The following SLC2A13 variants were observed in gnomAD, a reference collection of about 807,000 sequenced individuals.
The protein encoded by SLC2A13 is proton myo-inositol cotransporter.
SLC2A13 carries 32 observed loss-of-function variants against 64.4 expected under a neutral mutation model. That is an observed-to-expected ratio of 0.50 (90% CI 0.37 to 0.67). The LOEUF (loss-of-function observed/expected upper bound fraction) is 0.67, where lower values mean the gene tolerates loss of function less well. SLC2A13 is among the 30% of genes least tolerant of loss of function. The pLI, the probability that SLC2A13 is intolerant of heterozygous loss-of-function variation, is 0.00. For missense variants in SLC2A13, 743 were observed against 829.2 expected, an observed-to-expected ratio of 0.90 and a Z score of 1.28; for synonymous variants, 338 against 327.1, an observed-to-expected ratio of 1.03 and a Z score of -0.36.
At chr12:39,774,845 C>A (rs908111784) in intron 7 of SLC2A13, among the ~76,000 whole-genome samples, 2 of 151,968 alleles carry the variant, frequency 1.3e-5, no homozygotes, top group Admixed American at 1.3e-4. Context: ...ACCTTATATA[C>A]CCCAAGTATG....
At chr12:39,833,716 T>A (rs1372318701) in intron 6 of SLC2A13, among the ~76,000 whole-genome samples, 1 of 151,962 alleles carries the variant, frequency 6.6e-6, no homozygotes, top group Non-Finnish European at 1.5e-5. Context: ...TCCCCAATAA[T>A]AGATAGATTT....
intron 1 of SLC2A13, among the ~76,000 whole-genome samples, chr12:40,054,209 A>G (rs1398610284): frequency 6.6e-6 from 1 of 152,222 alleles, no homozygotes; most frequent in Admixed American, 6.5e-5. Flanking sequence ...TATAACTCAA[A>G]GATGATGATT....
chr12:39,877,239 A>T (rs185011325), intron 4 of SLC2A13, among the ~76,000 whole-genome samples: 1 of 152,206 alleles, frequency 6.6e-6, no homozygotes, highest in East Asian at 1.9e-4. Context: ...AGAGTTCCAC[A>T]TGGCTAGGGA....
At position 39,998,502 on chromosome 12, in the gene SLC2A13, G is replaced by T. The variant is rs558493813; in HGVS notation, c.925+29799C>A. Among the ~76,000 whole-genome samples, 22 of 152,324 alleles carry T rather than the reference G, an allele frequency of 1.4e-4. No homozygotes were observed. The South Asian group carries it at 2.5e-3, about 17-fold the overall frequency. On this transcript the variant is annotated intron_variant, in intron 3 of 9. Transcript: ENST00000280871. ...CTGGATGTGAGACATGGAGTCAAAG[G>T]AGATCATTTTGGAGCTTTAAATATT...
intron 1 of SLC2A13, among the ~76,000 whole-genome samples, chr12:40,070,054 A>G (rs1937892789): frequency 6.6e-6 from 1 of 152,108 alleles, no homozygotes; most frequent in African/African-American, 2.4e-5. Flanking sequence ...TCCCTCAGAA[A>G]GGCATAAACG....
At chr12:40,063,373 T>A (rs1196577041) in intron 1 of SLC2A13, among the ~76,000 whole-genome samples, 1 of 151,242 alleles carries the variant, frequency 6.6e-6, no homozygotes, top group Non-Finnish European at 1.5e-5. Context: ...TTACTTGAAA[T>A]CCAAATTAGT....
At chr12:39,821,921 A>T (rs189782761) in intron 7 of SLC2A13, among the ~76,000 whole-genome samples, 31 of 152,104 alleles carry the variant, frequency 2.0e-4, no homozygotes, top group Admixed American at 1.9e-3. Flanking sequence ...AATATTATTA[A>T]TTTTTTTATT....
At chr12:39,760,327 T>G in intron 9 of SLC2A13, 75 bp from the exon 10 acceptor site, 4 of 1,411,050 alleles carry the variant, frequency 2.8e-6, no homozygotes, top group Non-Finnish European at 3.8e-6. Context: ...TACTTGATTT[T>G]GACTTTTTTT....
intron 6 of SLC2A13, among the ~76,000 whole-genome samples, chr12:39,838,673 G>C (rs548906130): frequency 6.6e-6 from 1 of 152,090 alleles, no homozygotes; most frequent in Non-Finnish European, 1.5e-5. Flanking sequence ...GAGAAAGGAT[G>C]GCCTATTTTC....
intron 6 of SLC2A13, among the ~76,000 whole-genome samples, chr12:39,861,674 AAAG>A (rs1388569899): frequency 2.6e-5 from 4 of 152,166 alleles, no homozygotes; most frequent in Non-Finnish European, 5.9e-5. Flanking sequence ...GGTGTGAAAA[AAAG>A]AAATATGTGT....
At chr12:40,096,275 T>C (rs1938940851) in intron 1 of SLC2A13, among the ~76,000 whole-genome samples, 1 of 152,094 alleles carries the variant, frequency 6.6e-6, no homozygotes, top group African/African-American at 2.4e-5. Flanking sequence ...CGTGTTCTTT[T>C]AATTTTCACC....
chr12:40,074,111 A>G lies in SLC2A13; in HGVS notation c.557-25901T>C, dbSNP rs187514928. Among the ~76,000 whole-genome samples the G allele has an allele frequency of 4.2e-3, 633 of 151,662 alleles. 6 individuals are homozygous for G. The highest frequency in any genetic ancestry group is 0.015 in the African/African-American group (604 of 41,388). ...GGAGGATTCTTTTAAAAACATCCTC[A>G]AGCTTGGACATTCTTTCTTCAGCCA... On this transcript the variant is annotated intron_variant, in intron 1 of 9. Transcript: ENST00000280871.
chr12:39,817,210 TAGAA>T (rs1441899820), intron 7 of SLC2A13, among the ~76,000 whole-genome samples: 2 of 152,224 alleles, frequency 1.3e-5, no homozygotes, highest in African/African-American at 4.8e-5. Flanking sequence ...ACAAATTCAT[TAGAA>T]AGTCTCTTTT....
chr12:40,043,697 C>T (rs1034894543), intron 2 of SLC2A13, among the ~76,000 whole-genome samples: 1 of 151,942 alleles, frequency 6.6e-6, no homozygotes, highest in Non-Finnish European at 1.5e-5. Context: ...ACTATCGAAA[C>T]ATCTCTGCCA....
chr12:39,862,185 A>C (rs1943781421), intron 6 of SLC2A13, among the ~76,000 whole-genome samples: 1 of 152,196 alleles, frequency 6.6e-6, no homozygotes, highest in South Asian at 2.1e-4. Context: ...AACTTAAAAT[A>C]TTCTAAAAAG....
intron 4 of SLC2A13, among the ~76,000 whole-genome samples, chr12:39,882,915 A>G (rs1024246951): frequency 2.0e-5 from 3 of 152,208 alleles, no homozygotes; most frequent in Non-Finnish European, 4.4e-5. Flanking sequence ...TCATATTTCT[A>G]TAAACTCCCA....
At chr12:39,785,280 G>C (rs1447440366) in intron 7 of SLC2A13, among the ~76,000 whole-genome samples, 1 of 152,170 alleles carries the variant, frequency 6.6e-6, no homozygotes, top group Non-Finnish European at 1.5e-5. Context: ...CTGTGTCCCA[G>C]CTGCTCCAGC....
In SLC2A13 at chr12:39,864,883, C is replaced by A; in HGVS notation, c.1199-1G>T. On this transcript the variant is annotated splice_acceptor_variant, in intron 5 of 9. Transcript: ENST00000280871. LOFTEE classifies it high-confidence loss of function. ...AGAATAATGAGTGCTACGGTGGTAC[C>A]TTAAAAAAAAAAAGTTTTATATTAG... 2.5e-6 allele frequency: 4 copies of A among 1,591,064 alleles called. No individual in the cohort carries two copies. Among genetic ancestry groups the A allele is most frequent in the Admixed American group, 1.8e-5 (1 of 55,378 alleles).
chr12:40,100,838 G>A (rs759400314), intron 1 of SLC2A13, among the ~76,000 whole-genome samples: 2 of 151,912 alleles, frequency 1.3e-5, no homozygotes, highest in East Asian at 1.9e-4. Flanking sequence ...GTGGGCAGGC[G>A]CCTGTAATCC....
Sources: gnomAD v4.1 joint callset for allele counts (sites outside exome capture counted in the v4.1 genomes callset) on GRCh38, gnomAD v4.1.1 for gene constraint, MANE v1.5 for transcripts, NCBI Gene and HGNC (gene_info 2026-07-23, HGNC 2026-07-21) for gene names.